HS3ST3A1: variants seen among roughly 807,000 people sequenced by gnomAD.
HS3ST3A1 encodes heparan sulfate glucosamine 3-O-sulfotransferase 3A1.
A neutral mutation model predicts 25.7 loss-of-function variants in HS3ST3A1; 19 were observed. The observed-to-expected ratio is 0.74, with a 90% CI of 0.52 to 1.08. The LOEUF is 1.08. HS3ST3A1 is among the 50% of genes least tolerant of loss of function. The pLI is 0.00. For missense variants in HS3ST3A1, 459 were observed against 594.3 expected (o/e 0.77, Z 2.37); for synonymous variants, 226 against 278.6 (o/e 0.81, Z 1.88).
chr17:13,575,529 C>CA (rs1200831163), intron 1 of HS3ST3A1, among the ~76,000 whole-genome samples: 10 of 152,086 alleles, frequency 6.6e-5, no homozygotes, highest in Non-Finnish European at 1.5e-4. Flanking sequence ...GAAAAGAATA[C>CA]AAAAAATCTT....
intron 1 of HS3ST3A1, among the ~76,000 whole-genome samples, chr17:13,512,026 A>G (rs1446468280): frequency 6.6e-6 from 1 of 152,230 alleles, no homozygotes; most frequent in African/African-American, 2.4e-5. Flanking sequence ...ATCAGAGGTC[A>G]TCAAGCTATG....
At chr17:13,589,416 A>G (rs1042114314) in intron 1 of HS3ST3A1, among the ~76,000 whole-genome samples, 1 of 152,200 alleles carries the variant, frequency 6.6e-6, no homozygotes, top group Admixed American at 6.5e-5. Flanking sequence ...AATATAAAAC[A>G]GATCCAATCT....
intron 1 of HS3ST3A1, among the ~76,000 whole-genome samples, chr17:13,586,032 A>C (rs1908256643): frequency 6.6e-6 from 1 of 151,260 alleles, no homozygotes; most frequent in South Asian, 2.1e-4. Flanking sequence ...GTATTTTAGT[A>C]GAGACGGGGT....
chr17:13,520,266 A>G (rs1906188656), intron 1 of HS3ST3A1, among the ~76,000 whole-genome samples: 1 of 152,210 alleles, frequency 6.6e-6, no homozygotes, highest in Non-Finnish European at 1.5e-5. Context: ...CCAGTATGCT[A>G]TTATTTTCTC....
At chr17:13,497,474 C>A (rs960915912) in intron 1 of HS3ST3A1, among the ~76,000 whole-genome samples, 2 of 152,178 alleles carry the variant, frequency 1.3e-5, no homozygotes, top group African/African-American at 2.4e-5. Context: ...TTCATGTACA[C>A]CAAAGTAAAT....
intron 1 of HS3ST3A1, among the ~76,000 whole-genome samples, chr17:13,579,943 T>TAAAAAAAAAA (rs66568347): frequency 2.4e-5 from 2 of 81,946 alleles, no homozygotes; most frequent in African/African-American, 5.0e-5. Flanking sequence ...TGACTCTGTC[T>TAAAAAAAAAA]AAAAAAAAAA....
chr17:13,586,676 G>T (rs1447408097), intron 1 of HS3ST3A1, among the ~76,000 whole-genome samples: 1 of 150,962 alleles, frequency 6.6e-6, no homozygotes, highest in African/African-American at 2.4e-5. Flanking sequence ...AACCATCCTG[G>T]CTAACACGGT....
chr17:13,572,554 C>A (rs530004217), intron 1 of HS3ST3A1, among the ~76,000 whole-genome samples: 1 of 152,184 alleles, frequency 6.6e-6, no homozygotes, highest in African/African-American at 2.4e-5. Flanking sequence ...GGGATTTGAT[C>A]CTGAGGTTGA....
In HS3ST3A1 at chr17:13,503,192, GA is replaced by G. The variant is rs1206935412; in HGVS notation, c.600-6375del. Among the ~76,000 whole-genome samples the G allele has an allele frequency of 4.5e-3, 561 of 124,664 alleles. 1 individual carries two copies. The highest frequency in any genetic ancestry group is 8.6e-3 in the Middle Eastern group (2 of 232). The allele number at this position is 124,664 out of a possible 152,430, so 81.8% of individuals were successfully genotyped here. On this transcript the variant is annotated intron_variant, in intron 1 of 1. Coordinates refer to ENST00000284110, the MANE Select transcript of HS3ST3A1 (RefSeq NM_006042.3). The stretch of plus-strand genomic sequence containing the variant: ...CCATCTCAAAAAAAAAAAAAAAAAA[GA>G]AAAAAAAAGAGCTCCTATAAATCAA...
chr17:13,511,928 C>A (rs1040399979), intron 1 of HS3ST3A1, among the ~76,000 whole-genome samples: 1 of 151,938 alleles, frequency 6.6e-6, no homozygotes, highest in African/African-American at 2.4e-5. Context: ...AAATAATTTT[C>A]ATTTCTTAAA....
Position 13,496,111 on chromosome 17 carries a change from G to T in HS3ST3A1, c.*86C>A. The T allele has an allele frequency of 7.4e-7, 1 of 1,357,604 alleles. No homozygotes were observed. The highest frequency in any genetic ancestry group is 9.7e-7 in the Non-Finnish European group (1 of 1,027,234). The allele number at this position is 1,357,604 out of a possible 1,614,324, so 84.1% of individuals were successfully genotyped here. A position where few individuals can be genotyped will look rare whatever the true frequency, so the allele number is the denominator to read the frequency against. On this transcript the variant is annotated 3_prime_UTR_variant, in exon 2 of 2. Coordinates refer to ENST00000284110, the MANE Select transcript of HS3ST3A1 (RefSeq NM_006042.3). ...AAAAAAATACTGAAACATATTTTCA[G>T]CACAAATATTAAACTGTCTCTTCTC... is the stretch of plus-strand genomic sequence containing the variant.
At chr17:13,517,738 G>A (rs1295200823) in intron 1 of HS3ST3A1, among the ~76,000 whole-genome samples, 2 of 152,072 alleles carry the variant, frequency 1.3e-5, no homozygotes, top group African/African-American at 2.4e-5. Context: ...TACAACCTCC[G>A]CCTCCCAGGT....
At chr17:13,539,811 T>C (rs764529759) in intron 1 of HS3ST3A1, among the ~76,000 whole-genome samples, 2 of 152,224 alleles carry the variant, frequency 1.3e-5, no homozygotes, top group Non-Finnish European at 2.9e-5. Flanking sequence ...GTTGAGCTTC[T>C]AAGAGTCTGA....
chr17:13,583,366 A>G (rs1436826959), intron 1 of HS3ST3A1, among the ~76,000 whole-genome samples: 1 of 152,184 alleles, frequency 6.6e-6, no homozygotes, highest in African/African-American at 2.4e-5. Flanking sequence ...CTGGTCATGC[A>G]ATGAAATATT....
intron 1 of HS3ST3A1, 37 bp from the exon 2 acceptor site, chr17:13,496,855 A>G: frequency 6.3e-7 from 1 of 1,593,738 alleles, no homozygotes; most frequent in South Asian, 1.2e-5. Context: ...AGATGTGCAG[A>G]GAGAGCTCAG....
intron 1 of HS3ST3A1, among the ~76,000 whole-genome samples, chr17:13,552,204 T>C (rs1907263913): frequency 1.3e-5 from 2 of 152,258 alleles, no homozygotes; most frequent in East Asian, 3.9e-4. Context: ...CTCAGCCTCC[T>C]GAGTAGCTGA....
chr17:13,586,137 A>G (rs1345443426), intron 1 of HS3ST3A1, among the ~76,000 whole-genome samples: 1 of 151,688 alleles, frequency 6.6e-6, no homozygotes, highest in Admixed American at 6.6e-5. Context: ...GTGAGCCACC[A>G]CAACCCGCCT....
chr17:13,497,920 A>G (rs1288198969), intron 1 of HS3ST3A1, among the ~76,000 whole-genome samples: 1 of 152,216 alleles, frequency 6.6e-6, no homozygotes, highest in East Asian at 1.9e-4. Flanking sequence ...GAAAAGATAC[A>G]CTTTGCATCA....
At position 13,512,312 on chromosome 17, in the gene HS3ST3A1, A is replaced by AAAAAAAC. The variant is rs1555537355; in HGVS notation, c.600-15495_600-15494insGTTTTTT. On this transcript the variant is annotated intron_variant, in intron 1 of 1. Coordinates refer to ENST00000284110, the MANE Select transcript of HS3ST3A1 (RefSeq NM_006042.3). ...CAGAGCGAGACTCCGTCTCAAAAAA[A>AAAAAAAC]AAAAAAAAAAAAAAACTGCATGATC... is the stretch of plus-strand genomic sequence containing the variant. Among the ~76,000 whole-genome samples, 265 of 150,486 alleles carry AAAAAAAC rather than the reference A, an allele frequency of 1.8e-3. 3 individuals carry two copies. Among genetic ancestry groups the AAAAAAAC allele is most frequent in the Middle Eastern group, 6.9e-3 (2 of 290 alleles).
Sources: gnomAD v4.1 joint callset for allele counts (sites outside exome capture counted in the v4.1 genomes callset) on GRCh38, gnomAD v4.1.1 for gene constraint, MANE v1.5 for transcripts, NCBI Gene and HGNC (gene_info 2026-07-23, HGNC 2026-07-21) for gene names.